CRTAC1: variants seen among roughly 807,000 people sequenced by gnomAD.
CRTAC1 encodes acidic secreted protein in cartilage.
CRTAC1 carries 37 observed loss-of-function variants against 67.8 expected under a neutral mutation model. The observed-to-expected ratio is 0.55, with a 90% CI of 0.42 to 0.72. CRTAC1 has a LOEUF of 0.72. Ranked by LOEUF, CRTAC1 falls within the 30% of genes least tolerant of loss-of-function variation. CRTAC1 has a pLI of 0.00. For synonymous variants in CRTAC1, 348 were observed against 371.0 expected, an observed-to-expected ratio of 0.94 and a Z score of 0.71; for missense variants, 780 against 931.6, an observed-to-expected ratio of 0.84 and a Z score of 2.12.
At chr10:97,907,960 G>T in intron 6 of CRTAC1, 53 bp downstream of exon 6, 1 of 1,603,446 alleles carries the variant, frequency 6.2e-7, no homozygotes, top group Non-Finnish European at 8.5e-7. Flanking sequence ...GGAGTCCTCT[G>T]TGGGTCTGGG....
At chr10:97,968,477 C>T (rs1456222142) in intron 2 of CRTAC1, among the ~76,000 whole-genome samples, 1 of 152,110 alleles carries the variant, frequency 6.6e-6, no homozygotes, top group Non-Finnish European at 1.5e-5. Flanking sequence ...ATCTCCTGAC[C>T]TTGTGATCTG....
chr10:97,938,506 C>T (rs2051123898), intron 2 of CRTAC1, among the ~76,000 whole-genome samples: 3 of 152,220 alleles, frequency 2.0e-5, no homozygotes, highest in Admixed American at 2.0e-4. Flanking sequence ...CAAGGTTACA[C>T]AACTTGTTAG....
chr10:97,880,810 GC>G (rs1376423174), intron 13 of CRTAC1, among the ~76,000 whole-genome samples: 1 of 151,992 alleles, frequency 6.6e-6, no homozygotes, highest in East Asian at 1.9e-4. Context: ...GCCCTGCCCT[GC>G]CCATATTCTG....
intron 2 of CRTAC1, among the ~76,000 whole-genome samples, chr10:97,970,849 T>C (rs1014612153): frequency 2.0e-5 from 3 of 152,232 alleles, no homozygotes; most frequent in Non-Finnish European, 4.4e-5. Flanking sequence ...TCAGTGATTG[T>C]TTGAATGAAT....
intron 2 of CRTAC1, among the ~76,000 whole-genome samples, chr10:98,003,080 G>A (rs1842724880): frequency 6.6e-6 from 1 of 152,032 alleles, no homozygotes. Context: ...ACTGCGCCCG[G>A]CCCAAAACTC....
chr10:97,920,035 C>T (rs980622401), intron 4 of CRTAC1, among the ~76,000 whole-genome samples: 6 of 152,056 alleles, frequency 3.9e-5, no homozygotes, highest in Non-Finnish European at 7.4e-5. Flanking sequence ...GGGTTTGAGC[C>T]ACCACACCTG....
At chr10:97,929,704 A>G (rs145797553) in intron 3 of CRTAC1, among the ~76,000 whole-genome samples, 1 of 152,346 alleles carries the variant, frequency 6.6e-6, no homozygotes, top group East Asian at 1.9e-4. Context: ...GGGTTAAATT[A>G]GATAATGTAT....
chr10:97,969,823 G>A (rs1028502049), intron 2 of CRTAC1, among the ~76,000 whole-genome samples: 1 of 150,994 alleles, frequency 6.6e-6, no homozygotes, highest in Non-Finnish European at 1.5e-5. Flanking sequence ...CTTAGTCATT[G>A]GGTATCTCCT....
chr10:97,909,682 C>G lies in CRTAC1; in HGVS notation c.716-1535G>C, dbSNP rs182986338. 2.8e-4 allele frequency among the ~76,000 whole-genome samples: 42 copies of G among 152,250 alleles called. 1 individual carries two copies. In the East Asian group the frequency reaches 7.9e-3, roughly 29 times the overall value. The stretch of plus-strand genomic sequence containing the variant: ...ATTAAAAATAGAACTGCCATATGAT[C>G]CAGCAATCCCACTACTAGGTATATA... On this transcript the variant is annotated intron_variant, in intron 5 of 14. Coordinates refer to ENST00000370597, the MANE Select transcript of CRTAC1 (RefSeq NM_018058.7).
rs192721661 is a variant in CRTAC1 at position 97,894,743 on chromosome 10, T to C, written c.1486+502A>G. Among the ~76,000 whole-genome samples the C allele has an allele frequency of 7.1e-3, 548 of 77,110 alleles. 42 individuals are homozygous for C. The highest frequency in any genetic ancestry group is 0.02 in the African/African-American group (375 of 18,934). 50.6% of individuals were successfully genotyped at this position (77,110 alleles called of 152,430 possible). ...ATATATATATATATATATATATATA[T>C]ATATATATATATATATATATATGAT... On this transcript the variant is annotated intron_variant, in intron 11 of 14. Coordinates refer to ENST00000370597, the MANE Select transcript of CRTAC1 (RefSeq NM_018058.7).
At chr10:97,923,199 A>T in intron 4 of CRTAC1, 65 bp downstream of exon 4, 1 of 1,600,340 alleles carries the variant, frequency 6.2e-7, no homozygotes, top group South Asian at 1.1e-5. Flanking sequence ...GGACGTCTAC[A>T]CAGTGGCTCC....
intron 14 of CRTAC1, among the ~76,000 whole-genome samples, chr10:97,873,046 C>T (rs931040020): frequency 1.3e-5 from 2 of 152,202 alleles, no homozygotes; most frequent in Non-Finnish European, 2.9e-5. Flanking sequence ...GGCACTGCAG[C>T]AAGTACCTTA....
intron 2 of CRTAC1, among the ~76,000 whole-genome samples, chr10:98,000,316 T>C (rs1231633100): frequency 6.6e-6 from 1 of 152,198 alleles, no homozygotes; most frequent in Non-Finnish European, 1.5e-5. Context: ...TGTGACTCCC[T>C]CTTTGAGACC....
intron 2 of CRTAC1, among the ~76,000 whole-genome samples, chr10:98,005,777 T>C (rs540379088): frequency 6.6e-6 from 1 of 152,220 alleles, no homozygotes; most frequent in South Asian, 2.1e-4. Flanking sequence ...TCATTGTTCT[T>C]ATTATTTATA....
chr10:97,916,007 C>T (rs970827795), intron 5 of CRTAC1, among the ~76,000 whole-genome samples: 13 of 152,082 alleles, frequency 8.5e-5, no homozygotes, highest in Non-Finnish European at 1.3e-4. Flanking sequence ...TCCCGCTCCT[C>T]GGTTCTGTGC....
At chr10:98,018,750 G>T (rs145221583) in intron 1 of CRTAC1, among the ~76,000 whole-genome samples, 1 of 152,156 alleles carries the variant, frequency 6.6e-6, no homozygotes, top group Admixed American at 6.5e-5. Flanking sequence ...GCGACAAGCA[G>T]AGAATACACA....
At chr10:98,000,358 T>C (rs1842665671) in intron 2 of CRTAC1, among the ~76,000 whole-genome samples, 1 of 152,188 alleles carries the variant, frequency 6.6e-6, no homozygotes, top group Non-Finnish European at 1.5e-5. Context: ...AGCTTCTAGG[T>C]GCCACCACGT....
At chr10:97,889,453 T>TC in intron 11 of CRTAC1, among the ~76,000 whole-genome samples, 1 of 95,110 alleles carries the variant, frequency 1.1e-5, no homozygotes, top group Admixed American at 1.1e-4. Context: ...TGGAACTTGG[T>TC]GGGGGGGGGT....
chr10:97,995,509 A>G (rs1178568399), intron 2 of CRTAC1, among the ~76,000 whole-genome samples: 1 of 152,112 alleles, frequency 6.6e-6, no homozygotes, highest in Non-Finnish European at 1.5e-5. Flanking sequence ...TCCTAAGTCT[A>G]TTTTTCTGTT....
Sources: allele counts gnomAD v4.1 joint callset (sites outside exome capture counted in the v4.1 genomes callset), GRCh38; gene constraint gnomAD v4.1.1; transcripts MANE v1.5; gene names NCBI Gene and HGNC (gene_info 2026-07-23, HGNC 2026-07-21).